TNFSF4: variants seen among roughly 807,000 people sequenced by gnomAD.
TNFSF4 encodes the protein tumor necrosis factor ligand superfamily member 4.
In TNFSF4, 4 loss-of-function variants were observed where a neutral mutation model predicts 7.3. The observed-to-expected ratio is 0.55, with a 90% CI of 0.27 to 1.25. The LOEUF is 1.25. TNFSF4 is among the 50% of genes most tolerant of loss of function. The pLI is 0.12. For synonymous variants in TNFSF4, 76 were observed against 83.7 expected, an observed-to-expected ratio of 0.91 and a Z score of 0.50; for missense variants, 181 against 208.8, an observed-to-expected ratio of 0.87 and a Z score of 0.82.
At chr1:173,228,572 G>T in the TNFSF4 span, among the ~76,000 whole-genome samples, 1 of 152,186 alleles carries the variant, frequency 6.6e-6, no homozygotes, top group Non-Finnish European at 1.5e-5. Context: ...GAACAAAGCT[G>T]GACGGAGAAT....
chr1:173,361,955 C>T, the TNFSF4 span, among the ~76,000 whole-genome samples: 1 of 152,204 alleles, frequency 6.6e-6, no homozygotes, highest in Admixed American at 6.5e-5. Context: ...TCCTAGAACT[C>T]TATCTCCATC....
chr1:173,186,604 G>C lies in TNFSF4; in HGVS notation c.464C>G (p.Thr155Ser), dbSNP rs1649234511. The C allele has an allele frequency of 6.2e-7, 1 of 1,614,196 alleles. No individual in the cohort carries two copies. Among genetic ancestry groups the C allele is most frequent in the East Asian group, 2.2e-5 (1 of 44,888 alleles). ...YKDKVYLNVT[T>S]DNTSLDDFHV... ...GAAGTCATCCAGGGAGGTATTGTCA[G>C]TGGTCACATTCAAGTAGACTTTGTC... is the stretch of plus-strand genomic sequence containing the variant. Residue 155 changes from threonine (T) to serine (S), a missense_variant, in exon 3 of 3, where the codon ACT (threonine) becomes AGT (serine). By Grantham distance (58) the Thr-to-Ser change is moderately conservative. Transcript: ENST00000281834.
the TNFSF4 span, among the ~76,000 whole-genome samples, chr1:173,383,565 T>C: frequency 5.9e-5 from 9 of 152,360 alleles, no homozygotes; most frequent in African/African-American, 2.2e-4. Context: ...AGAGACACTG[T>C]GGTTTTGGGA....
At chr1:173,219,298 A>C in the TNFSF4 span, among the ~76,000 whole-genome samples, 1 of 152,170 alleles carries the variant, frequency 6.6e-6, no homozygotes, top group African/African-American at 2.4e-5. Context: ...TTATTGACTT[A>C]AATATAATCC....
chr1:173,340,367 CAT>C, the TNFSF4 span, among the ~76,000 whole-genome samples: 10 of 143,780 alleles, frequency 7.0e-5, no homozygotes, highest in African/African-American at 1.3e-4. Context: ...CACACACACA[CAT>C]ACCCTATTAG....
At chr1:173,391,847 G>C in the TNFSF4 span, among the ~76,000 whole-genome samples, 2 of 152,196 alleles carry the variant, frequency 1.3e-5, no homozygotes, top group East Asian at 3.9e-4. Flanking sequence ...AAAATTGAGA[G>C]GTTTTAGGGT....
At chr1:173,409,423 A>G in the TNFSF4 span, among the ~76,000 whole-genome samples, 1 of 152,238 alleles carries the variant, frequency 6.6e-6, no homozygotes, top group Non-Finnish European at 1.5e-5. Context: ...ATTTTTATAT[A>G]GAAGAATGTC....
At chr1:173,351,814 A>G in the TNFSF4 span, 1 of 609,698 alleles carries the variant, frequency 1.6e-6, no homozygotes, top group Non-Finnish European at 3.0e-6. Context: ...TATGTCATCT[A>G]CATTGAATGG....
chr1:173,205,690 C>T (rs147030985), intron 1 of TNFSF4: 674 of 697,836 alleles, frequency 9.7e-4, no homozygotes, highest in Non-Finnish European at 1.1e-3. Flanking sequence ...TCAAAAGAGC[C>T]TAATTCCGGT....
the TNFSF4 span, among the ~76,000 whole-genome samples, chr1:173,242,825 G>A: frequency 6.6e-6 from 1 of 152,130 alleles, no homozygotes. Flanking sequence ...CCAAAGGAGT[G>A]CAGCCCTGCT....
At chr1:173,426,159 C>A in the TNFSF4 span, among the ~76,000 whole-genome samples, 3 of 152,156 alleles carry the variant, frequency 2.0e-5, no homozygotes, top group Non-Finnish European at 4.4e-5. Context: ...TTCCTTCCTG[C>A]GAGTCAGTCT....
chr1:173,212,017 T>G (rs1467617382), upstream of TNFSF4, among the ~76,000 whole-genome samples: 9 of 152,156 alleles, frequency 5.9e-5, no homozygotes, highest in Admixed American at 5.9e-4. Context: ...AACATTTGCA[T>G]CTTGTGAGGG....
chr1:173,287,802 T>C, the TNFSF4 span, among the ~76,000 whole-genome samples: 1 of 152,174 alleles, frequency 6.6e-6, no homozygotes, highest in Admixed American at 6.5e-5. Flanking sequence ...AAAATACATA[T>C]TTTATGTTTC....
the TNFSF4 span, among the ~76,000 whole-genome samples, chr1:173,305,440 C>A: frequency 6.6e-6 from 1 of 151,818 alleles, no homozygotes; most frequent in African/African-American, 2.4e-5. Context: ...CCCAGATAAA[C>A]TTTTCCGTTC....
the TNFSF4 span, chr1:173,351,730 T>G: frequency 2.1e-6 from 1 of 469,436 alleles, no homozygotes; most frequent in South Asian, 2.9e-5. Context: ...GATAATGAAG[T>G]TCAGGTTGTA....
rs1261044800 is a variant in TNFSF4 at position 173,185,724 on chromosome 1, A to G, written c.*792T>C. 2 of 152,146 alleles carry G rather than the reference A, an allele frequency of 1.3e-5. No homozygotes were observed. Among genetic ancestry groups the G allele is most frequent in the African/African-American group, 4.8e-5 (2 of 41,422 alleles). 9.4% of individuals were successfully genotyped at this position (152,146 alleles called of 1,614,324 possible). ...AGTTCCCTGCTATCCTGTACAGTAA[A>G]GCTAACCCTTCACAATAAGTTATCT... On this transcript the variant is annotated 3_prime_UTR_variant, in exon 3 of 3. Coordinates refer to ENST00000281834, the MANE Select transcript of TNFSF4 (RefSeq NM_003326.5).
chr1:173,430,852 A>C, the TNFSF4 span, among the ~76,000 whole-genome samples: 3 of 152,254 alleles, frequency 2.0e-5, no homozygotes, highest in Admixed American at 1.3e-4. Context: ...CACAGATCCC[A>C]CAAACCCTTT....
chr1:173,281,487 T>C, the TNFSF4 span, among the ~76,000 whole-genome samples: 1 of 152,170 alleles, frequency 6.6e-6, no homozygotes, highest in African/African-American at 2.4e-5. Flanking sequence ...CATTTATATG[T>C]CATCATCAGA....
At chr1:173,409,370 G>A in the TNFSF4 span, among the ~76,000 whole-genome samples, 6 of 152,118 alleles carry the variant, frequency 3.9e-5, no homozygotes, top group Non-Finnish European at 7.4e-5. Context: ...TGTTAGTAAT[G>A]TATTAATGTT....
Sources: gnomAD v4.1 joint callset for allele counts (sites outside exome capture counted in the v4.1 genomes callset) on GRCh38, gnomAD v4.1.1 for gene constraint, MANE v1.5 for transcripts, NCBI Gene and HGNC (gene_info 2026-07-23, HGNC 2026-07-21) for gene names.